PLEKHG1: variants seen among roughly 807,000 people sequenced by gnomAD.
The protein encoded by PLEKHG1 is pleckstrin homology and RhoGEF domain containing G1.
Under a neutral mutation model 100.8 loss-of-function variants are expected in PLEKHG1, and 44 were observed. The observed-to-expected ratio is 0.44, with a 90% confidence interval of 0.34 to 0.56. PLEKHG1 has a LOEUF of 0.56. Among genes scored for constraint, PLEKHG1 ranks in the 20% least tolerant of loss-of-function variants. The pLI is 0.01. For synonymous variants in PLEKHG1, 640 were observed against 662.5 expected (o/e 0.97, Z 0.52); for missense variants, 1,545 against 1,720.9 (o/e 0.90, Z 1.81).
intron 15 of PLEKHG1, among the ~76,000 whole-genome samples, chr6:150,835,932 A>G (rs769792492): frequency 1.3e-5 from 2 of 152,216 alleles, no homozygotes; most frequent in African/African-American, 4.8e-5. Context: ...TCATCCAAAG[A>G]TAAACTGTTC....
chr6:150,806,223 C>CTGTT (rs1787084478), intron 7 of PLEKHG1, among the ~76,000 whole-genome samples: 1 of 89,762 alleles, frequency 1.1e-5, no homozygotes, highest in African/African-American at 4.0e-5. Context: ...TTCCAGGCTG[C>CTGTT]TTTTTTTTTT....
intron 3 of PLEKHG1, among the ~76,000 whole-genome samples, chr6:150,693,322 G>C (rs1309220207): frequency 6.6e-6 from 1 of 152,050 alleles, no homozygotes; most frequent in Non-Finnish European, 1.5e-5. Flanking sequence ...AAAAACCTAT[G>C]TGTGACTTAT....
intron 3 of PLEKHG1, among the ~76,000 whole-genome samples, chr6:150,659,114 C>T (rs1779082997): frequency 6.6e-6 from 1 of 151,904 alleles, no homozygotes; most frequent in South Asian, 2.1e-4. Flanking sequence ...ATGCTGTGTG[C>T]ACCCGTGTTG....
chr6:150,720,623 C>T (rs975787383), upstream of PLEKHG1, among the ~76,000 whole-genome samples: 5 of 152,040 alleles, frequency 3.3e-5, no homozygotes, highest in Admixed American at 2.6e-4. Context: ...CCCACCCCCA[C>T]CCCAACCTGC....
intron 5 of PLEKHG1, among the ~76,000 whole-genome samples, chr6:150,796,908 C>T (rs1286055223): frequency 6.6e-6 from 1 of 152,144 alleles, no homozygotes; most frequent in African/African-American, 2.4e-5. Flanking sequence ...GTTTCTGAAA[C>T]TTTGTGATTC....
intron 1 of PLEKHG1, among the ~76,000 whole-genome samples, chr6:150,616,499 T>C (rs1255874514): frequency 6.6e-6 from 1 of 152,206 alleles, no homozygotes; most frequent in Admixed American, 6.5e-5. Context: ...ATTAAAGTAC[T>C]TGATCAACTA....
At position 150,600,552 on chromosome 6, in the gene PLEKHG1, G is replaced by A. The variant is rs372906909; in HGVS notation, c.-204+535G>A. Among the ~76,000 whole-genome samples, 13 of 152,338 alleles carry A rather than the reference G, an allele frequency of 8.5e-5. No homozygotes were observed. The South Asian group carries it at 2.5e-3, about 29-fold the overall frequency. On this transcript the variant is annotated intron_variant, in intron 1 of 3. Coordinates refer to the PLEKHG1 transcript ENST00000367326. This position sits in a 1 kb window ranked among gnomAD's most constrained non-coding sequence, Gnocchi z 6.2. ...GCGCGGTGGGGGCGGCGGCCGAGCT[G>A]CTGCGGCGCTCAGGGCTTGGGGGCG...
At chr6:150,748,342 A>G (rs1266101145) in intron 2 of PLEKHG1, among the ~76,000 whole-genome samples, 3 of 152,206 alleles carry the variant, frequency 2.0e-5, no homozygotes, top group Admixed American at 6.5e-5. Flanking sequence ...CTAGAACCAC[A>G]CCAAGTTTTA....
chr6:150,673,435 T>A (rs1236153114), intron 3 of PLEKHG1, among the ~76,000 whole-genome samples: 1 of 152,224 alleles, frequency 6.6e-6, no homozygotes, highest in African/African-American at 2.4e-5. Flanking sequence ...TCATTTTCTT[T>A]GGCCTGTCTA....
Position 150,839,557 on chromosome 6 carries a change from A to G in PLEKHG1, c.3095-276A>G, listed in dbSNP as rs371149061. On this transcript the variant is annotated intron_variant, in intron 15 of 15. Coordinates refer to ENST00000358517, the Ensembl canonical transcript of PLEKHG1. ...AGAACACTAGAAACTTTCATTATAT[A>G]TAGTGGACACTTGCAGACCTGCTGT... is the stretch of plus-strand genomic sequence containing the variant. Among the ~76,000 whole-genome samples, 69 of 152,336 alleles carry G rather than the reference A, an allele frequency of 4.5e-4. 3 individuals carry two copies. The South Asian group carries it at 0.011, about 24-fold the overall frequency.
At chr6:150,782,128 G>A (rs1274039596) in intron 3 of PLEKHG1, among the ~76,000 whole-genome samples, 1 of 151,786 alleles carries the variant, frequency 6.6e-6, no homozygotes, top group Non-Finnish European at 1.5e-5. Context: ...TTAAAGTAAT[G>A]GTACAGTAGC....
chr6:150,815,062 A>G (rs903586750), intron 10 of PLEKHG1, among the ~76,000 whole-genome samples: 1 of 152,240 alleles, frequency 6.6e-6, no homozygotes, highest in Non-Finnish European at 1.5e-5. Context: ...ACTATAATGT[A>G]ATCATAATTT....
At chr6:150,837,812 C>G (rs1285230474) in intron 15 of PLEKHG1, among the ~76,000 whole-genome samples, 2 of 152,242 alleles carry the variant, frequency 1.3e-5, no homozygotes, top group Non-Finnish European at 2.9e-5. Flanking sequence ...TACACTCTTT[C>G]TCTTAAGATG....
chr6:150,742,723 A>G (rs1782944942), intron 2 of PLEKHG1, among the ~76,000 whole-genome samples: 1 of 152,156 alleles, frequency 6.6e-6, no homozygotes, highest in Admixed American at 6.6e-5. Context: ...ACATTTCAAT[A>G]TGAGGTTTGG....
intron 3 of PLEKHG1, among the ~76,000 whole-genome samples, chr6:150,697,306 A>T (rs6929935): frequency 0.83 from 126,526 of 151,982 alleles, 52,837 homozygotes; most frequent in East Asian, 0.87. Context: ...ACCAAAGAGC[A>T]TGTCATGTTG....
intron 3 of PLEKHG1, among the ~76,000 whole-genome samples, chr6:150,684,649 G>A (rs918900697): frequency 7.9e-5 from 12 of 152,144 alleles, no homozygotes; most frequent in African/African-American, 2.2e-4. Context: ...CAGCAGTAAT[G>A]ATCGAGGCCT....
chr6:150,783,214 C>CA (rs938461149), intron 3 of PLEKHG1, among the ~76,000 whole-genome samples: 5 of 138,290 alleles, frequency 3.6e-5, no homozygotes, highest in South Asian at 2.3e-4. Context: ...TCTCCCCCCA[C>CA]AAAAAATGGA....
chr6:150,640,867 T>C (rs772781204), intron 2 of PLEKHG1, among the ~76,000 whole-genome samples: 1 of 152,136 alleles, frequency 6.6e-6, no homozygotes, highest in Non-Finnish European at 1.5e-5. Context: ...TGGTCTAATA[T>C]TGGGGACAGA....
At chr6:150,720,349 CTAAAG>C (rs1318984075), upstream of PLEKHG1, among the ~76,000 whole-genome samples, 5 of 152,146 alleles carry the variant, frequency 3.3e-5, no homozygotes, top group African/African-American at 1.2e-4. Context: ...GTCTCACTTA[CTAAAG>C]TATTGTATGA....
Sources: allele counts gnomAD v4.1 joint callset (sites outside exome capture counted in the v4.1 genomes callset), GRCh38; gene constraint gnomAD v4.1.1; non-coding constraint Gnocchi (gnomAD v3.1); transcripts MANE v1.5; gene names NCBI Gene and HGNC (gene_info 2026-07-23, HGNC 2026-07-21).